STXBP5L: variants seen among roughly 807,000 people sequenced by gnomAD.
The protein encoded by STXBP5L is syntaxin binding protein 5L, also known as syntaxin-binding protein 5-like.
STXBP5L carries 65 observed loss-of-function variants against 144.5 expected under a neutral mutation model. The ratio of observed to expected loss-of-function variants is 0.45; its 90% CI spans 0.37 to 0.55. STXBP5L has a LOEUF of 0.55. Among genes scored for constraint, STXBP5L ranks in the 20% least tolerant of loss-of-function variants. STXBP5L has a pLI of 0.00. For synonymous variants in STXBP5L, 505 were observed against 469.6 expected, an observed-to-expected ratio of 1.08 and a Z score of -0.97; for missense variants, 1,298 against 1,405.5, an observed-to-expected ratio of 0.92 and a Z score of 1.22.
chr3:121,306,594 G>GA (rs967022283), intron 19 of STXBP5L, among the ~76,000 whole-genome samples: 34 of 152,150 alleles, frequency 2.2e-4, no homozygotes, highest in African/African-American at 7.7e-4. Flanking sequence ...TCCCCAAAGT[G>GA]ACTAGCCTTA....
intron 3 of STXBP5L, among the ~76,000 whole-genome samples, chr3:121,025,843 T>C (rs1355211396): frequency 6.8e-6 from 1 of 148,138 alleles, no homozygotes; most frequent in Non-Finnish European, 1.5e-5. Flanking sequence ...TATAAAGTAA[T>C]TTTTAAAAGT....
intron 9 of STXBP5L, among the ~76,000 whole-genome samples, chr3:121,179,669 T>C (rs1030704268): frequency 6.6e-6 from 1 of 151,990 alleles, no homozygotes; most frequent in Non-Finnish European, 1.5e-5. Context: ...AAAACGAACT[T>C]AAAGAAATTA....
intron 5 of STXBP5L, among the ~76,000 whole-genome samples, chr3:121,062,056 G>C (rs2041308946): frequency 6.6e-6 from 1 of 152,146 alleles, no homozygotes; most frequent in African/African-American, 2.4e-5. Context: ...TTTCTTCGTA[G>C]AGTCGATGGT....
At chr3:121,167,365 A>G (rs980520921) in intron 9 of STXBP5L, among the ~76,000 whole-genome samples, 5 of 152,226 alleles carry the variant, frequency 3.3e-5, no homozygotes, top group Non-Finnish European at 7.3e-5. Context: ...ATGGTATAAA[A>G]GAAAAAAGTA....
At chr3:120,927,468 T>A (rs1709697233) in intron 2 of STXBP5L, among the ~76,000 whole-genome samples, 1 of 152,214 alleles carries the variant, frequency 6.6e-6, no homozygotes. Flanking sequence ...TTACTTCAGG[T>A]ACTGCTAATG....
chr3:121,291,635 T>C (rs2051443164), intron 19 of STXBP5L, among the ~76,000 whole-genome samples: 1 of 152,162 alleles, frequency 6.6e-6, no homozygotes, highest in African/African-American at 2.4e-5. Context: ...TCTGGAGGCA[T>C]CACGTTACTT....
intron 3 of STXBP5L, among the ~76,000 whole-genome samples, chr3:121,016,752 T>C (rs1560006061): frequency 6.6e-6 from 1 of 152,218 alleles, no homozygotes; most frequent in Non-Finnish European, 1.5e-5. Flanking sequence ...ATAGATAATC[T>C]GAATAGGCCT....
chr3:121,378,629 A>G, intron 20 of STXBP5L, 87 bp from the exon 21 acceptor site: 1 of 1,333,182 alleles, frequency 7.5e-7, no homozygotes, highest in Non-Finnish European at 1.0e-6. Flanking sequence ...ATTGTTGCTC[A>G]TCTTCATTTG....
chr3:120,941,536 C>G (rs1405318804), intron 2 of STXBP5L, among the ~76,000 whole-genome samples: 1 of 151,614 alleles, frequency 6.6e-6, no homozygotes, highest in Non-Finnish European at 1.5e-5. Flanking sequence ...ATAGAAAGTT[C>G]AGACAACAGC....
intron 20 of STXBP5L, among the ~76,000 whole-genome samples, chr3:121,355,666 G>A (rs1447691808): frequency 6.6e-6 from 1 of 151,938 alleles, no homozygotes; most frequent in Non-Finnish European, 1.5e-5. Flanking sequence ...TGTTATTATT[G>A]ACCTTCTGAA....
chr3:121,164,032 A>G (rs907556061), intron 9 of STXBP5L, among the ~76,000 whole-genome samples: 1 of 152,158 alleles, frequency 6.6e-6, no homozygotes, highest in Non-Finnish European at 1.5e-5. Flanking sequence ...CATCAACACA[A>G]TTCTTTTAAT....
intron 20 of STXBP5L, among the ~76,000 whole-genome samples, chr3:121,351,380 C>G (rs1222010060): frequency 6.6e-6 from 1 of 152,064 alleles, no homozygotes; most frequent in African/African-American, 2.4e-5. Flanking sequence ...ATGGGGGGTG[C>G]CTCCCAGTTA....
chr3:121,287,370 T>C (rs1014504595), intron 19 of STXBP5L, among the ~76,000 whole-genome samples: 1 of 152,176 alleles, frequency 6.6e-6, no homozygotes, highest in African/African-American at 2.4e-5. Flanking sequence ...CTACTAGAAC[T>C]AAAAATGTGA....
rs1461157723 is a variant in STXBP5L at position 121,127,581 on chromosome 3, G to A, written c.669+5877G>A. Among the ~76,000 whole-genome samples, 3 of 151,272 alleles carry A rather than the reference G, an allele frequency of 2.0e-5. No individual in the cohort carries two copies. The East Asian group carries it at 5.9e-4, about 30-fold the overall frequency. On this transcript the variant is annotated intron_variant, in intron 7 of 26. Transcript: ENST00000471454. ...CTTTTTATAACAACAGGAGTCATTGGATTTAGGGTGGGCCTAGGATGGGAT... is the reference window on the plus strand; with the variant it reads ...CTTTTTATAACAACAGGAGTCATTGAATTTAGGGTGGGCCTAGGATGGGAT...
At chr3:121,317,036 T>C (rs2043810696) in intron 19 of STXBP5L, among the ~76,000 whole-genome samples, 1 of 152,332 alleles carries the variant, frequency 6.6e-6, no homozygotes, top group African/African-American at 2.4e-5. Flanking sequence ...TTAGTCAAAC[T>C]TTTTCCTAAT....
At chr3:120,991,217 G>T (rs1230354473) in intron 3 of STXBP5L, among the ~76,000 whole-genome samples, 2 of 148,884 alleles carry the variant, frequency 1.3e-5, no homozygotes, top group Non-Finnish European at 3.0e-5. Flanking sequence ...GCAGCCAAAA[G>T]ACACATGAAA....
intron 3 of STXBP5L, among the ~76,000 whole-genome samples, chr3:121,019,946 G>T (rs1375264827): frequency 6.6e-6 from 1 of 152,252 alleles, no homozygotes; most frequent in African/African-American, 2.4e-5. Flanking sequence ...GCCAGAAAAA[G>T]AATTCAGAAG....
At chr3:120,971,984 C>A (rs572308562) in intron 3 of STXBP5L, among the ~76,000 whole-genome samples, 1 of 151,900 alleles carries the variant, frequency 6.6e-6, no homozygotes, top group Non-Finnish European at 1.5e-5. Flanking sequence ...GTGCTGTGAC[C>A]TACTGTGACA....
chr3:120,982,002 C>T (rs950901236), intron 3 of STXBP5L, among the ~76,000 whole-genome samples: 43 of 152,190 alleles, frequency 2.8e-4, no homozygotes, highest in African/African-American at 1.0e-3. Context: ...GTAGTGATGT[C>T]CTGGGTATTT....
Sources: allele counts gnomAD v4.1 joint callset (sites outside exome capture counted in the v4.1 genomes callset), GRCh38; gene constraint gnomAD v4.1.1; transcripts MANE v1.5; gene names NCBI Gene and HGNC (gene_info 2026-07-23, HGNC 2026-07-21).